The following SORL1 variants were observed in gnomAD, a reference collection of about 807,000 sequenced individuals.
SORL1 encodes the protein sortilin-related receptor.
A neutral mutation model predicts 273.7 loss-of-function variants in SORL1; 127 were observed. That is an observed-to-expected ratio of 0.46 (90% CI 0.40 to 0.54). The LOEUF (loss-of-function observed/expected upper bound fraction) is 0.54, where lower values mean the gene tolerates loss of function less well. SORL1 is among the 20% of genes least tolerant of loss of function. The pLI, the probability that SORL1 is intolerant of heterozygous loss-of-function variation, is 0.00. For missense variants in SORL1, 2,494 were observed against 2,846.1 expected (o/e 0.88, Z 2.81); for synonymous variants, 1,031 against 1,067.4 (o/e 0.97, Z 0.66).
At chr11:121,557,150 T>C in intron 18 of SORL1, 164 bp from the exon 19 acceptor site, 1 of 645,142 alleles carries the variant, frequency 1.6e-6, no homozygotes, top group Non-Finnish European at 2.8e-6. Context: ...AACAGCGCAT[T>C]GTGACTAGAA....
intron 20 of SORL1, 109 bp from the exon 21 acceptor site, chr11:121,559,410 T>C: frequency 1.7e-6 from 2 of 1,145,176 alleles, no homozygotes; most frequent in Non-Finnish European, 2.5e-6. Context: ...GGCTAGTCAT[T>C]CAGCCAATAA....
At chr11:121,539,891 G>T (rs1862321521) in intron 12 of SORL1, among the ~76,000 whole-genome samples, 1 of 151,878 alleles carries the variant, frequency 6.6e-6, no homozygotes, top group Non-Finnish European at 1.5e-5. Flanking sequence ...TATTCTATTG[G>T]CCATCAGAGC....
intron 3 of SORL1, among the ~76,000 whole-genome samples, chr11:121,483,739 G>T (rs1159805159): frequency 3.3e-5 from 5 of 152,142 alleles, no homozygotes. Flanking sequence ...AAGCCAGGGT[G>T]AAATACTGTG....
intron 8 of SORL1, among the ~76,000 whole-genome samples, chr11:121,516,763 T>G (rs1467138886): frequency 6.6e-6 from 1 of 151,984 alleles, no homozygotes; most frequent in Non-Finnish European, 1.5e-5. Flanking sequence ...ATTGAAAAAA[T>G]TATTTACTGG....
chr11:121,569,817 C>T (rs939888456), intron 22 of SORL1, among the ~76,000 whole-genome samples: 5 of 152,178 alleles, frequency 3.3e-5, no homozygotes, highest in Non-Finnish European at 4.4e-5. Context: ...ACACCTTATT[C>T]GTACACTCCC....
intron 35 of SORL1, 38 bp from the exon 36 acceptor site, chr11:121,606,807 G>A: frequency 7.8e-7 from 1 of 1,287,138 alleles, no homozygotes; most frequent in South Asian, 1.2e-5. Flanking sequence ...TGGCTGCTAT[G>A]CAGATGGGTT....
intron 8 of SORL1, among the ~76,000 whole-genome samples, chr11:121,515,806 C>G (rs921437818): frequency 4.6e-5 from 7 of 152,126 alleles, no homozygotes; most frequent in Non-Finnish European, 8.8e-5. Context: ...TGTGCACCAC[C>G]AGGCCAGGCT....
intron 19 of SORL1, among the ~76,000 whole-genome samples, 176 bp downstream of exon 19, chr11:121,557,581 G>A (rs369650647): frequency 1.3e-5 from 2 of 152,298 alleles, no homozygotes; most frequent in Non-Finnish European, 2.9e-5. Flanking sequence ...AACTCCGTTC[G>A]CTTTTTGTTA....
Position 121,573,683 on chromosome 11 carries a change from T to A in SORL1, c.3338-558T>A, listed in dbSNP as rs147731824. ...CACTAGGACACATTATCTTACCCAG[T>A]TTTACTGTTGAGAAAACAGCCGTAG... On this transcript the variant is annotated intron_variant, in intron 23 of 47. Transcript: ENST00000260197. 1.3e-4 allele frequency among the ~76,000 whole-genome samples: 20 copies of A among 152,268 alleles called. No homozygotes were observed. In the East Asian group the frequency reaches 3.9e-3, roughly 29 times the overall value.
At chr11:121,487,959 C>A in intron 3 of SORL1, 73 bp from the exon 4 acceptor site, 1 of 1,523,808 alleles carries the variant, frequency 6.6e-7, no homozygotes, top group South Asian at 1.2e-5. Context: ...CGTGTGGACT[C>A]GCACATGGTT....
rs1211214705 is a variant in SORL1 at position 121,558,577 on chromosome 11, C to T, written c.2664-14C>T. On this transcript the variant is annotated splice_polypyrimidine_tract_variant and intron_variant, in intron 19 of 47. Coordinates refer to ENST00000260197, the MANE Select transcript of SORL1 (RefSeq NM_003105.6). ...GTATTGATGAGGTATGTGTTCTGTCCCCATTTTCGCTAGGGTGATGTTCTG... is the reference window on the plus strand; with the variant it reads ...GTATTGATGAGGTATGTGTTCTGTCTCCATTTTCGCTAGGGTGATGTTCTG... 1.2e-6 allele frequency: 2 copies of T among 1,613,896 alleles called. No homozygotes were observed. Among genetic ancestry groups the T allele is most frequent in the Admixed American group, 3.3e-5 (2 of 60,014 alleles).
intron 1 of SORL1, 133 bp from the exon 2 acceptor site, chr11:121,469,874 C>A (rs1861143063): frequency 1.4e-6 from 1 of 713,482 alleles, no homozygotes. Flanking sequence ...GGGAAGAGGC[C>A]ACCTTGGCCC....
chr11:121,460,154 C>T (rs978057528), intron 1 of SORL1, among the ~76,000 whole-genome samples: 10 of 152,270 alleles, frequency 6.6e-5, no homozygotes, highest in Middle Eastern at 3.4e-3. Context: ...ATCTCCCCCC[C>T]TTTCTGGGGG....
At chr11:121,588,610 A>AT (rs1247011899) in intron 28 of SORL1, among the ~76,000 whole-genome samples, 3 of 152,128 alleles carry the variant, frequency 2.0e-5, no homozygotes, top group African/African-American at 7.2e-5. Flanking sequence ...TGTTTTGTGC[A>AT]TTGCTATGGC....
intron 32 of SORL1, among the ~76,000 whole-genome samples, chr11:121,603,165 A>G (rs534155188): frequency 1.3e-5 from 2 of 152,334 alleles, no homozygotes; most frequent in East Asian, 1.9e-4. Context: ...GCTTTGTTAC[A>G]TAAGGTAACA....
chr11:121,546,871 T>A (rs79738626), intron 14 of SORL1: 52 of 152,332 alleles, frequency 3.4e-4, no homozygotes, highest in African/African-American at 1.2e-3. Flanking sequence ...AGATTCTGCC[T>A]TGGTCACATG....
intron 1 of SORL1, among the ~76,000 whole-genome samples, chr11:121,463,451 C>T (rs1254465311): frequency 6.6e-6 from 1 of 152,032 alleles, no homozygotes; most frequent in East Asian, 1.9e-4. Flanking sequence ...TGCCAAGGAT[C>T]AATCAGAAAG....
At chr11:121,605,599 A>G (rs1565352128) in intron 35 of SORL1, 28 bp downstream of exon 35, 4 of 1,598,298 alleles carry the variant, frequency 2.5e-6, no homozygotes, top group Non-Finnish European at 2.6e-6. Context: ...TTTTTATGGC[A>G]TGGGTAAGAC....
At chr11:121,514,787 C>T (rs1410846472) in intron 8 of SORL1, among the ~76,000 whole-genome samples, 3 of 152,168 alleles carry the variant, frequency 2.0e-5, no homozygotes, top group Non-Finnish European at 2.9e-5. Context: ...GCACCAACGT[C>T]ATTGATCCTT....
Sources: allele counts gnomAD v4.1 joint callset (sites outside exome capture counted in the v4.1 genomes callset), GRCh38; gene constraint gnomAD v4.1.1; transcripts MANE v1.5; gene names NCBI Gene and HGNC (gene_info 2026-07-23, HGNC 2026-07-21).